Variants in KCNH1 observed in about 807,000 individuals in gnomAD.
KCNH1 encodes voltage-gated delayed rectifier potassium channel KCNH1.
A neutral mutation model predicts 69.2 loss-of-function variants in KCNH1; 27 were observed. The ratio of observed to expected loss-of-function variants is 0.39; its 90% CI spans 0.29 to 0.54. The LOEUF (loss-of-function observed/expected upper bound fraction) is 0.54. Among genes scored for constraint, KCNH1 ranks in the 20% least tolerant of loss-of-function variants. The pLI, the probability that KCNH1 is intolerant of heterozygous loss-of-function variation, is 0.68. For synonymous variants in KCNH1, 456 were observed against 487.7 expected (o/e 0.93, Z 0.86); for missense variants, 798 against 1,261.6 (o/e 0.63, Z 5.57).
At chr1:210,845,363 CAA>C (rs1685516642) in intron 7 of KCNH1, among the ~76,000 whole-genome samples, 1 of 152,150 alleles carries the variant, frequency 6.6e-6, no homozygotes, top group South Asian at 2.1e-4. Context: ...AGCAGCACAT[CAA>C]AAAGCTTATC....
chr1:210,806,781 C>A (rs1470237854), intron 7 of KCNH1, among the ~76,000 whole-genome samples: 1 of 128,628 alleles, frequency 7.8e-6, no homozygotes, highest in South Asian at 2.7e-4. Flanking sequence ...ACCAGCCTGG[C>A]CAATATGGTG....
At chr1:210,929,929 A>G (rs2102574277) in intron 6 of KCNH1, among the ~76,000 whole-genome samples, 1 of 123,908 alleles carries the variant, frequency 8.1e-6, no homozygotes, top group South Asian at 2.7e-4. Flanking sequence ...CTTTCACAAT[A>G]GCTGCAAAAA....
intron 7 of KCNH1, among the ~76,000 whole-genome samples, chr1:210,893,176 A>T (rs1686784847): frequency 6.6e-6 from 1 of 152,152 alleles, no homozygotes; most frequent in Admixed American, 6.5e-5. Context: ...ACATCTGTTT[A>T]CATTTTTTAT....
intron 7 of KCNH1, among the ~76,000 whole-genome samples, chr1:210,852,880 A>G (rs1200060662): frequency 6.6e-6 from 1 of 152,218 alleles, no homozygotes; most frequent in African/African-American, 2.4e-5. Flanking sequence ...TTCTAGGCAC[A>G]ACTGTGCCAT....
At chr1:211,037,692 C>G (rs990831485) in intron 5 of KCNH1, among the ~76,000 whole-genome samples, 2 of 152,094 alleles carry the variant, frequency 1.3e-5, no homozygotes, top group African/African-American at 4.8e-5. Context: ...CAGAGCCTGT[C>G]TCTCTTAAGA....
At chr1:211,010,522 T>C (rs1234322676) in intron 6 of KCNH1, among the ~76,000 whole-genome samples, 2 of 152,118 alleles carry the variant, frequency 1.3e-5, no homozygotes, top group East Asian at 1.9e-4. Context: ...ACACAATGAA[T>C]GTCTTGCTCA....
At chr1:210,704,205 G>A (rs893817230) in intron 10 of KCNH1, among the ~76,000 whole-genome samples, 6 of 152,160 alleles carry the variant, frequency 3.9e-5, no homozygotes, top group African/African-American at 1.4e-4. Flanking sequence ...TCTGAAGGAA[G>A]GGAGGGGGCT....
chr1:210,720,608 C>T (rs1574209497), intron 10 of KCNH1, among the ~76,000 whole-genome samples: 1 of 152,116 alleles, frequency 6.6e-6, no homozygotes, highest in African/African-American at 2.4e-5. Context: ...ACCTTGCTTG[C>T]CCCCAAAGAA....
chr1:210,870,435 A>G (rs959765839), intron 7 of KCNH1, among the ~76,000 whole-genome samples: 1 of 152,166 alleles, frequency 6.6e-6, no homozygotes, highest in Non-Finnish European at 1.5e-5. Context: ...TGAAAAAAGC[A>G]CATGGTACTC....
chr1:210,756,390 T>C (rs954022971), intron 10 of KCNH1, among the ~76,000 whole-genome samples: 2 of 152,220 alleles, frequency 1.3e-5, no homozygotes, highest in Admixed American at 1.3e-4. Flanking sequence ...ATTCATACTT[T>C]GTCAACCAGA....
rs891510130 is a variant in KCNH1, at chr1:211,076,007, G to A, written c.558+6773C>T. On this transcript the variant is annotated intron_variant, in intron 5 of 10. Coordinates refer to ENST00000271751, the MANE Select transcript of KCNH1 (RefSeq NM_172362.3). The stretch of plus-strand genomic sequence containing the variant: ...GCACAGCAGTCTGAGATTGACCTGC[G>A]AGGCAGCAGCCTGGCAGGGGGAGGG... Among the ~76,000 whole-genome samples the A allele has an allele frequency of 6.6e-5, 10 of 152,340 alleles. No individual in the cohort carries two copies. In the East Asian group the frequency reaches 7.7e-4, roughly 12 times the overall value.
Position 210,775,367 on chromosome 1 carries a change from G to A in KCNH1, c.2093C>T (p.Thr698Met), listed in dbSNP as rs763270947. ...GCTCACCCTCTTCCTCAAGTTGTAC[G>A]TCAGAATCAGGTTCCGGGAGAAGGA... ...SHSFSRNLIL[T>M]YNLRKRIVFR... is the part of the protein sequence containing the mutation. Residue 698 changes from threonine to methionine, a missense_variant, in exon 10 of 11, where the codon ACG (threonine) becomes ATG (methionine). By Grantham distance (81) the Thr-to-Met change is moderately conservative. Around this residue, in one of 4 missense-constraint regions of KCNH1, gnomAD observed 197 missense variants for 407.7 expected, o/e 0.48. Coordinates refer to ENST00000271751, the MANE Select transcript of KCNH1 (RefSeq NM_172362.3). The A allele has an allele frequency of 6.2e-6, 10 of 1,613,886 alleles. No individual in the cohort carries two copies. In the Admixed American group the frequency reaches 1.0e-4, roughly 16 times the overall value.
At chr1:210,721,763 C>T (rs773656576) in intron 10 of KCNH1, among the ~76,000 whole-genome samples, 7 of 151,542 alleles carry the variant, frequency 4.6e-5, no homozygotes, top group Non-Finnish European at 1.0e-4. Flanking sequence ...GTAACCTGCA[C>T]GTTGTGCACA....
At chr1:210,688,240 GTATAGGA>G (rs1681449311) in intron 10 of KCNH1, among the ~76,000 whole-genome samples, 1 of 152,198 alleles carries the variant, frequency 6.6e-6, no homozygotes, top group South Asian at 2.1e-4. Flanking sequence ...AATGTGTAGG[GTATAGGA>G]TGCTCTCTGT....
chr1:210,789,626 T>G (rs1257855510), intron 9 of KCNH1, among the ~76,000 whole-genome samples: 1 of 152,200 alleles, frequency 6.6e-6, no homozygotes. Context: ...AAACAACATT[T>G]TTTTCCACAT....
chr1:210,832,248 A>G lies in KCNH1; in HGVS notation c.1463-28082T>C, dbSNP rs971317840. Among the ~76,000 whole-genome samples the G allele has an allele frequency of 3.3e-5, 5 of 152,194 alleles. No individual in the cohort carries two copies. The South Asian group carries it at 8.3e-4, about 25-fold the overall frequency. On this transcript the variant is annotated intron_variant, in intron 7 of 10. Transcript: ENST00000271751. ...CTGGTAAGGTCTGACCAAAAAGGCT[A>G]TACTCTCTTATCTGAGCCTGCTTAG... is the stretch of plus-strand genomic sequence containing the variant.
intron 10 of KCNH1, among the ~76,000 whole-genome samples, chr1:210,726,977 C>T (rs1296221897): frequency 6.6e-6 from 1 of 152,134 alleles, no homozygotes; most frequent in East Asian, 1.9e-4. Flanking sequence ...GAGGTGGAGG[C>T]CATCCCTTTG....
chr1:210,759,156 G>GACACACACACACACACACACACAC lies in KCNH1; in HGVS notation c.2112+16191_2112+16192insGTGTGTGTGTGTGTGTGTGTGTGT, dbSNP rs60773247. Among the ~76,000 whole-genome samples the GACACACACACACACACACACACAC allele has an allele frequency of 2.6e-3, 382 of 148,562 alleles. 3 individuals carry two copies. Among genetic ancestry groups the GACACACACACACACACACACACAC allele is most frequent in the African/African-American group, 8.3e-3 (329 of 39,634 alleles). ...CCTATCCAAACCTATCCAAATGATA[G>GACACACACACACACACACACACAC]ACACACACACACACACACACATATT... On this transcript the variant is annotated intron_variant, in intron 10 of 10. Coordinates refer to ENST00000271751, the MANE Select transcript of KCNH1 (RefSeq NM_172362.3).
At chr1:210,715,990 T>C (rs1682224389) in intron 10 of KCNH1, among the ~76,000 whole-genome samples, 1 of 152,114 alleles carries the variant, frequency 6.6e-6, no homozygotes, top group Non-Finnish European at 1.5e-5. Context: ...CCTGGGACAA[T>C]GGAAACAGTC....
Sources: allele counts gnomAD v4.1 joint callset (sites outside exome capture counted in the v4.1 genomes callset), GRCh38; gene constraint gnomAD v4.1.1; regional missense constraint gnomAD v4.1.1; transcripts MANE v1.5; gene names NCBI Gene and HGNC (gene_info 2026-07-23, HGNC 2026-07-21).